Variants in CSMD2 observed in about 807,000 individuals in gnomAD.
The protein encoded by CSMD2 is CUB and Sushi multiple domains 2, also known as CUB and sushi domain-containing protein 2.
A neutral mutation model predicts 398.5 loss-of-function variants in CSMD2; 130 were observed. The ratio of observed to expected loss-of-function variants is 0.33; its 90% CI spans 0.28 to 0.38. CSMD2 has a LOEUF of 0.38. CSMD2 is among the 10% of genes least tolerant of loss of function. The probability of loss-of-function intolerance (pLI) is 1.00; values close to 1 mark genes in which losing one functional copy is unlikely to be tolerated. For synonymous variants in CSMD2, 1,828 were observed against 1,908.5 expected (o/e 0.96, Z 1.10); for missense variants, 3,829 against 4,764.9 (o/e 0.80, Z 5.78).
intron 19 of CSMD2, among the ~76,000 whole-genome samples, chr1:33,718,260 T>A (rs145163228): frequency 6.6e-6 from 1 of 152,184 alleles, no homozygotes; most frequent in Non-Finnish European, 1.5e-5. Flanking sequence ...GGGTAAGAGA[T>A]CAGGTAGTGA....
intron 7 of CSMD2, among the ~76,000 whole-genome samples, chr1:33,821,964 GAGT>G (rs1658204628): frequency 6.6e-6 from 1 of 152,188 alleles, no homozygotes; most frequent in Non-Finnish European, 1.5e-5. Flanking sequence ...AGTGTGACCA[GAGT>G]AGGAGGGAAG....
At chr1:33,662,038 G>A (rs1210810159) in intron 26 of CSMD2, among the ~76,000 whole-genome samples, 2 of 152,134 alleles carry the variant, frequency 1.3e-5, no homozygotes, top group Non-Finnish European at 2.9e-5. Flanking sequence ...ATCAGGGGGA[G>A]GAATGATGGA....
chr1:34,005,252 G>A (rs1317721954), intron 3 of CSMD2, among the ~76,000 whole-genome samples: 2 of 152,174 alleles, frequency 1.3e-5, no homozygotes, highest in African/African-American at 4.8e-5. Flanking sequence ...CTACTTCCTG[G>A]GCAATGACGG....
chr1:33,690,088 G>A lies in CSMD2; in HGVS notation c.4052+2842C>T, dbSNP rs112784810. Among the ~76,000 whole-genome samples the A allele has an allele frequency of 2.9e-3, 434 of 152,098 alleles. 4 individuals are homozygous for A. The highest frequency in any genetic ancestry group is 0.01 in the African/African-American group (423 of 41,488). On this transcript the variant is annotated intron_variant, in intron 25 of 70. Transcript: ENST00000373381. Reference sequence around the variant, plus strand: ...TTACCGGCCCAGCCCGTCCCACTCCGCCCATTCTCCTCCAAACTGCCAGGA... The same window carrying A: ...TTACCGGCCCAGCCCGTCCCACTCCACCCATTCTCCTCCAAACTGCCAGGA...
intron 1 of CSMD2, among the ~76,000 whole-genome samples, chr1:34,105,406 C>G (rs1273058178): frequency 6.6e-6 from 1 of 152,210 alleles, no homozygotes; most frequent in Non-Finnish European, 1.5e-5. Flanking sequence ...AACGACTGGT[C>G]TAATTCTTAG....
intron 25 of CSMD2, among the ~76,000 whole-genome samples, chr1:33,664,234 T>C (rs1345467047): frequency 7.2e-5 from 11 of 152,194 alleles, no homozygotes; most frequent in South Asian, 2.1e-4. Context: ...TTGGTACATA[T>C]GCTTCCAGAG....
chr1:33,822,798 CT>C (rs1280090001), intron 7 of CSMD2, among the ~76,000 whole-genome samples: 8 of 152,130 alleles, frequency 5.3e-5, no homozygotes, highest in African/African-American at 1.7e-4. Flanking sequence ...TATTTGCTGC[CT>C]TATCTGTGGT....
intron 22 of CSMD2, among the ~76,000 whole-genome samples, chr1:33,702,146 C>T (rs1044415150): frequency 2.6e-5 from 4 of 152,066 alleles, no homozygotes; most frequent in African/African-American, 9.7e-5. Flanking sequence ...ATTTCCTCAA[C>T]AAGTAAGTTA....
intron 5 of CSMD2, among the ~76,000 whole-genome samples, chr1:33,891,780 C>T (rs373383793): frequency 1.3e-5 from 2 of 150,568 alleles, no homozygotes; most frequent in African/African-American, 2.4e-5. Context: ...ATCATCATTC[C>T]CAGTAAACTA....
chr1:33,761,457 T>C (rs1649804140), intron 13 of CSMD2, among the ~76,000 whole-genome samples: 1 of 152,290 alleles, frequency 6.6e-6, no homozygotes, highest in South Asian at 2.1e-4. Context: ...GACACAGGTA[T>C]TAGCTAGGAA....
intron 10 of CSMD2, among the ~76,000 whole-genome samples, chr1:33,802,864 T>C (rs1047455238): frequency 2.6e-5 from 4 of 152,130 alleles, no homozygotes; most frequent in Admixed American, 1.3e-4. Flanking sequence ...CCTACTAACA[T>C]ACTCCAGTTC....
At chr1:33,670,223 T>C (rs148877541) in intron 25 of CSMD2, among the ~76,000 whole-genome samples, 8 of 152,304 alleles carry the variant, frequency 5.3e-5, no homozygotes, top group Non-Finnish European at 1.0e-4. Flanking sequence ...GAGTCATCCA[T>C]TGACTTCCCT....
intron 3 of CSMD2, among the ~76,000 whole-genome samples, chr1:34,031,722 G>A (rs940756252): frequency 9.5e-6 from 1 of 105,116 alleles, no homozygotes; most frequent in South Asian, 3.3e-4. Context: ...CTTCATTGAA[G>A]AAAGCATCGC....
intron 13 of CSMD2, among the ~76,000 whole-genome samples, chr1:33,745,220 T>C (rs542205666): frequency 6.6e-6 from 1 of 152,348 alleles, no homozygotes; most frequent in South Asian, 2.1e-4. Context: ...CTATTAAATA[T>C]TTGTTTATAA....
chr1:33,810,651 C>T (rs934876285), intron 10 of CSMD2, 92 bp downstream of exon 10: 4 of 1,243,868 alleles, frequency 3.2e-6, no homozygotes, highest in Admixed American at 2.3e-5. Context: ...AATCTACCAT[C>T]AGTAAGTTCT....
At chr1:33,957,639 A>C (rs1481485757) in intron 3 of CSMD2, among the ~76,000 whole-genome samples, 1 of 152,170 alleles carries the variant, frequency 6.6e-6, no homozygotes, top group Non-Finnish European at 1.5e-5. Flanking sequence ...GGCCAAAGAC[A>C]CTAAGATTGC....
At chr1:34,032,416 G>A (rs931709217) in intron 3 of CSMD2, among the ~76,000 whole-genome samples, 178 bp downstream of exon 3, 2 of 152,180 alleles carry the variant, frequency 1.3e-5, no homozygotes, top group African/African-American at 4.8e-5. Context: ...CAGTTTCCTG[G>A]GAACCAAGAG....
intron 13 of CSMD2, among the ~76,000 whole-genome samples, chr1:33,766,625 T>C (rs1650536836): frequency 6.6e-6 from 1 of 152,190 alleles, no homozygotes; most frequent in African/African-American, 2.4e-5. Context: ...GCACTTAACC[T>C]TGGGCACTTC....
At chr1:33,888,761 T>TGTTGTTGTC (rs1641772805) in intron 5 of CSMD2, among the ~76,000 whole-genome samples, 1 of 151,322 alleles carries the variant, frequency 6.6e-6, no homozygotes, top group African/African-American at 2.4e-5. Flanking sequence ...TGATTTTTGT[T>TGTTGTTGTC]GTTGTTGTTG....
Sources: gnomAD v4.1 joint callset for allele counts (sites outside exome capture counted in the v4.1 genomes callset) on GRCh38, gnomAD v4.1.1 for gene constraint, MANE v1.5 for transcripts, NCBI Gene and HGNC (gene_info 2026-07-23, HGNC 2026-07-21) for gene names.